The following CD96 variants were observed in gnomAD, a reference collection of about 807,000 sequenced individuals.
CD96 encodes the protein T-cell surface protein tactile.
CD96 carries 70 observed loss-of-function variants against 71.3 expected under a neutral mutation model. The ratio of observed to expected loss-of-function variants is 0.98; its 90% CI spans 0.81 to 1.20. The LOEUF (loss-of-function observed/expected upper bound fraction) is 1.20. Ranked by LOEUF, CD96 falls within the 50% of genes most tolerant of loss-of-function variation. The pLI is 0.00. For missense variants in CD96, 742 were observed against 677.5 expected, an observed-to-expected ratio of 1.10 and a Z score of -1.06; for synonymous variants, 248 against 233.0, an observed-to-expected ratio of 1.06 and a Z score of -0.59.
intron 10 of CD96, among the ~76,000 whole-genome samples, chr3:111,633,251 C>T (rs1382928495): frequency 1.3e-5 from 2 of 152,012 alleles, no homozygotes; most frequent in African/African-American, 2.4e-5. Context: ...AGTTAGAACA[C>T]ACACAACATT....
intron 2 of CD96, among the ~76,000 whole-genome samples, chr3:111,562,933 A>T (rs1330677665): frequency 6.6e-6 from 1 of 152,234 alleles, no homozygotes; most frequent in Non-Finnish European, 1.5e-5. Flanking sequence ...ACAGACTGAT[A>T]CATTAGAAAG....
At chr3:111,621,451 C>A (rs563392981) in intron 8 of CD96, among the ~76,000 whole-genome samples, 2 of 152,210 alleles carry the variant, frequency 1.3e-5, no homozygotes, top group East Asian at 3.9e-4. Context: ...TTACTTATAC[C>A]TAATTTATTT....
intron 6 of CD96, among the ~76,000 whole-genome samples, chr3:111,600,293 C>T (rs978856071): frequency 6.6e-6 from 1 of 152,084 alleles, no homozygotes; most frequent in African/African-American, 2.4e-5. Context: ...AAACGGAGTC[C>T]CAACTGAGAT....
chr3:111,633,147 T>A (rs1312359063), intron 10 of CD96, among the ~76,000 whole-genome samples: 1 of 152,090 alleles, frequency 6.6e-6, no homozygotes, highest in Non-Finnish European at 1.5e-5. Context: ...TTAGGATTAT[T>A]AATTGGCCTA....
At chr3:111,649,065 C>A (rs1364968620) in intron 13 of CD96, among the ~76,000 whole-genome samples, 1 of 152,168 alleles carries the variant, frequency 6.6e-6, no homozygotes, top group Non-Finnish European at 1.5e-5. Context: ...CCATCTCTAC[C>A]CTATCCCCGC....
intron 3 of CD96, among the ~76,000 whole-genome samples, chr3:111,568,833 G>A (rs747650662): frequency 2.6e-5 from 4 of 152,102 alleles, no homozygotes; most frequent in Non-Finnish European, 4.4e-5. Context: ...ACTAACCAGT[G>A]TATACAGTAA....
At chr3:111,619,322 G>T (rs9868266) in intron 8 of CD96, among the ~76,000 whole-genome samples, 17,579 of 152,156 alleles carry the variant, frequency 0.12, 1,413 homozygotes, top group East Asian at 0.28. Flanking sequence ...AGCCAGGAAG[G>T]CTTCAAACCT....
chr3:111,545,613 C>T (rs533487704), intron 2 of CD96, among the ~76,000 whole-genome samples: 18 of 152,248 alleles, frequency 1.2e-4, no homozygotes, highest in African/African-American at 4.1e-4. Flanking sequence ...ATAATAAATA[C>T]TGTAACAGTC....
At chr3:111,633,171 T>C (rs1939157051) in intron 10 of CD96, among the ~76,000 whole-genome samples, 1 of 152,078 alleles carries the variant, frequency 6.6e-6, no homozygotes, top group South Asian at 2.1e-4. Flanking sequence ...TCAATATTGT[T>C]TTGTCTCAGA....
At chr3:111,656,291 T>G (rs1224039600), downstream of CD96, among the ~76,000 whole-genome samples, 1 of 152,164 alleles carries the variant, frequency 6.6e-6, no homozygotes, top group Admixed American at 6.5e-5. Context: ...AATCAAAATT[T>G]AAAAATGTAC....
At chr3:111,579,571 AG>A (rs1362774090) in intron 4 of CD96, 1 of 347,704 alleles carries the variant, frequency 2.9e-6, no homozygotes, top group Non-Finnish European at 5.6e-6. Context: ...TCCAAGGTCG[AG>A]GGGACGCATC....
chr3:111,548,369 G>A (rs935921519), intron 2 of CD96, among the ~76,000 whole-genome samples: 17 of 152,150 alleles, frequency 1.1e-4, no homozygotes, highest in African/African-American at 4.1e-4. Context: ...CTCTGTGTGT[G>A]TCTTAGTGCT....
chr3:111,554,221 A>T (rs1934870655), intron 2 of CD96, among the ~76,000 whole-genome samples: 1 of 151,996 alleles, frequency 6.6e-6, no homozygotes, highest in Non-Finnish European at 1.5e-5. Flanking sequence ...TCTGTGATTC[A>T]ATTAGGTATT....
chr3:111,542,264 A>T lies in CD96; in HGVS notation c.16A>T (p.Lys6Ter). 6.2e-7 allele frequency: 1 copy of T among 1,613,540 alleles called. No homozygotes were observed. Among genetic ancestry groups the T allele is most frequent in the Non-Finnish European group, 8.5e-7 (1 of 1,179,474 alleles). ...TCAGAAGACAATGGAGAAAAAATGG[A>T]AATACTGTGCTGTCTATTACATCAT... MEKKW[K>*]YCAVYYIIQI... Residue 6 changes from lysine (K) to a stop codon, truncating the protein, a stop_gained, in exon 1 of 14, where the codon AAA becomes TAA. Coordinates refer to ENST00000352690, the MANE Select transcript of CD96 (RefSeq NM_005816.5). LOFTEE classifies it high-confidence loss of function.
At position 111,592,176 on chromosome 3, in the gene CD96, A is replaced by G. The variant is rs1476313717; in HGVS notation, c.808-5944A>G. ...GGTTATAGAGGAATCTGTCTTCTAT[A>G]ACAAATATCAGGTCCAGTGCAGAGG... On this transcript the variant is annotated intron_variant, in intron 5 of 13. Coordinates refer to ENST00000352690, the MANE Select transcript of CD96 (RefSeq NM_005816.5). 2.0e-5 allele frequency among the ~76,000 whole-genome samples: 3 copies of G among 152,204 alleles called. No individual in the cohort carries two copies. In the East Asian group the frequency reaches 5.8e-4, roughly 29 times the overall value.
At chr3:111,603,555 T>G (rs1038335207) in intron 7 of CD96, among the ~76,000 whole-genome samples, 2 of 152,190 alleles carry the variant, frequency 1.3e-5, no homozygotes, top group African/African-American at 4.8e-5. Context: ...GGTTTTGTTT[T>G]GGGGAGTGGA....
chr3:111,570,640 C>T (rs921872969), intron 3 of CD96: 40 of 1,603,554 alleles, frequency 2.5e-5, no homozygotes, highest in Non-Finnish European at 3.1e-5. Flanking sequence ...GCAGCTCACA[C>T]GTACATGGCC....
intron 2 of CD96, among the ~76,000 whole-genome samples, chr3:111,558,019 G>A (rs1251277097): frequency 6.7e-6 from 1 of 148,572 alleles, no homozygotes; most frequent in Non-Finnish European, 1.5e-5. Flanking sequence ...TGTGTTGTTG[G>A]TGTATAAGAA....
At chr3:111,599,348 T>C (rs1053202448) in intron 6 of CD96, among the ~76,000 whole-genome samples, 8 of 152,194 alleles carry the variant, frequency 5.3e-5, no homozygotes, top group South Asian at 2.1e-4. Context: ...TTTGAGATTA[T>C]TATTGGTTTT....
Sources: allele counts gnomAD v4.1 joint callset (sites outside exome capture counted in the v4.1 genomes callset), GRCh38; gene constraint gnomAD v4.1.1; transcripts MANE v1.5; gene names NCBI Gene and HGNC (gene_info 2026-07-23, HGNC 2026-07-21).